PCDHGB6: variants seen among roughly 807,000 people sequenced by gnomAD.
PCDHGB6 encodes protocadherin gamma subfamily B, 6, also known as protocadherin gamma-B6.
Under a neutral mutation model 59.1 loss-of-function variants are expected in PCDHGB6, and 51 were observed. That is an observed-to-expected ratio of 0.86 (90% CI 0.69 to 1.09). The LOEUF (loss-of-function observed/expected upper bound fraction) is 1.09, where lower values mean the gene tolerates loss of function less well. Ranked by LOEUF, PCDHGB6 falls within the 50% of genes least tolerant of loss-of-function variation. PCDHGB6 has a pLI of 0.00. For missense variants in PCDHGB6, 1,148 were observed against 1,205.1 expected (o/e 0.95, Z 0.70); for synonymous variants, 466 against 495.1 (o/e 0.94, Z 0.78).
rs781550738 is a variant in PCDHGB6 at position 141,487,383 on chromosome 5, C to A, written c.2419-7424C>A. On this transcript the variant is annotated intron_variant, in intron 1 of 3. Transcript: ENST00000520790. This position sits in a 1 kb window ranked among gnomAD's most constrained non-coding sequence, Gnocchi z 5.0. Reference sequence around the variant, plus strand: ...GGCACCTGTGCCTGTCTCACCAGATCTCGAAGGAGGGAGGGGCTTCCCCCT... The same window carrying A: ...GGCACCTGTGCCTGTCTCACCAGATATCGAAGGAGGGAGGGGCTTCCCCCT... The A allele has an allele frequency of 3.7e-6, 6 of 1,614,196 alleles. No individual in the cohort carries two copies. The South Asian group carries it at 6.6e-5, about 18-fold the overall frequency.
chr5:141,415,078 GC>G (rs2095826068), intron 1 of PCDHGB6: 1 of 1,613,376 alleles, frequency 6.2e-7, no homozygotes, highest in Non-Finnish European at 8.5e-7. Flanking sequence ...CACGGCGCGA[GC>G]CCTGCTGGAC....
chr5:141,409,541 G>C lies in PCDHGB6; in HGVS notation c.1339G>C (p.Asp447His), dbSNP rs1485327824. ...CACCTTGTATGTCGCTGACATCAAC[G>C]ACAACGCCCCAGTTTTCGACCAGAC... ...SITLYVADIN[D>H]NAPVFDQTSY... Residue 447 changes from aspartate (D) to histidine (H), a missense_variant, in exon 1 of 4, where the codon GAC (aspartate) becomes CAC (histidine). Physicochemically the swap from Asp to His is moderately conservative, Grantham distance 81. Around this residue, in one of 5 missense-constraint regions of PCDHGB6, gnomAD observed 549 missense variants for 527.5 expected, o/e 1.04. Coordinates refer to ENST00000520790, the MANE Select transcript of PCDHGB6 (RefSeq NM_018926.3). 16 of 1,613,852 alleles carry C rather than the reference G, an allele frequency of 9.9e-6. No homozygotes were observed. Among genetic ancestry groups the C allele is most frequent in the Admixed American group, 1.7e-5 (1 of 60,016 alleles).
At chr5:141,436,300 G>A (rs966232889) in intron 1 of PCDHGB6, among the ~76,000 whole-genome samples, 1 of 152,180 alleles carries the variant, frequency 6.6e-6, no homozygotes, top group African/African-American at 2.4e-5. Flanking sequence ...TTGAGAGTTA[G>A]AGCATGAATA....
At chr5:141,483,323 G>A (rs2099579999) in intron 1 of PCDHGB6, among the ~76,000 whole-genome samples, 1 of 152,104 alleles carries the variant, frequency 6.6e-6, no homozygotes, top group Non-Finnish European at 1.5e-5. Flanking sequence ...GGGACTGGAG[G>A]CAAAGAGATC....
At chr5:141,421,875 A>C (rs1345376105) in intron 1 of PCDHGB6, 2 of 1,613,648 alleles carry the variant, frequency 1.2e-6, no homozygotes, top group South Asian at 2.2e-5. Flanking sequence ...TCACAGCTTT[A>C]GATGGAGGCG....
In PCDHGB6 at chr5:141,432,540, T is replaced by C. The variant is rs147884705; in HGVS notation, c.2418+21920T>C. The C allele has an allele frequency of 1.2e-6, 2 of 1,613,726 alleles. No homozygotes were observed. The highest frequency in any genetic ancestry group is 2.2e-5 in the South Asian group (2 of 91,058). On this transcript the variant is annotated intron_variant, in intron 1 of 3. Transcript: ENST00000520790. The surrounding 1 kb of genome is among the most constrained non-coding windows in gnomAD (Gnocchi z 6.0). ...TACCTGGTGACCAAGGTGGTGGCGG[T>C]GGACAGAGACTCCGGCCAGAACGCC...
At chr5:141,472,109 A>G (rs1353132107) in intron 1 of PCDHGB6, among the ~76,000 whole-genome samples, 2 of 152,234 alleles carry the variant, frequency 1.3e-5, no homozygotes, top group Non-Finnish European at 2.9e-5. Flanking sequence ...TTTTATACAT[A>G]AAGAAAATAA....
chr5:141,414,587 G>C (rs775783880), intron 1 of PCDHGB6: 3 of 1,613,828 alleles, frequency 1.9e-6, no homozygotes, highest in Admixed American at 3.3e-5. Context: ...AACAACGCCA[G>C]GGGTGCCTCC....
At chr5:141,460,231 G>A (rs911633731) in intron 1 of PCDHGB6, among the ~76,000 whole-genome samples, 3 of 152,028 alleles carry the variant, frequency 2.0e-5, no homozygotes, top group Non-Finnish European at 4.4e-5. Context: ...CTTTTGAAGA[G>A]CAGAAGATGT....
chr5:141,432,589 G>T lies in PCDHGB6; in HGVS notation c.2418+21969G>T. ...CCTGGCTGTCCTACCGTCTGCTCAA[G>T]GCCAGCGAGCCGGGACTCTTCTCGG... On this transcript the variant is annotated intron_variant, in intron 1 of 3. Transcript: ENST00000520790. The surrounding 1 kb of genome is among the most constrained non-coding windows in gnomAD (Gnocchi z 6.0). 1 of 1,613,916 alleles carries T rather than the reference G, an allele frequency of 6.2e-7. No individual in the cohort carries two copies. Among genetic ancestry groups the T allele is most frequent in the Non-Finnish European group, 8.5e-7 (1 of 1,179,974 alleles).
chr5:141,428,341 C>T, intron 1 of PCDHGB6: 1 of 602,086 alleles, frequency 1.7e-6, no homozygotes, highest in Non-Finnish European at 3.0e-6. Flanking sequence ...GCTCTTCTTC[C>T]TCGCAGTGAT....
chr5:141,415,740 GTTTTTTTTTTT>G lies in PCDHGB6; in HGVS notation c.2418+5142_2418+5152del, dbSNP rs57426385. On this transcript the variant is annotated intron_variant, in intron 1 of 3. Transcript: ENST00000520790. ...TGAGTAGAATTTGATGTTTATTAAGGTTTTTTTTTTTTTTTTTTTTTTTTTTTTTTTTACTT... is the reference window on the plus strand; with the variant it reads ...TGAGTAGAATTTGATGTTTATTAAGGTTTTTTTTTTTTTTTTTTTTTACTT... 695 of 624,702 alleles carry G rather than the reference GTTTTTTTTTTT, an allele frequency of 1.1e-3. 1 individual carries two copies. Among genetic ancestry groups the G allele is most frequent in the East Asian group, 1.8e-3 (27 of 14,732 alleles). 38.7% of individuals were successfully genotyped at this position (624,702 alleles called of 1,614,324 possible).
rs1210691847 is a variant in PCDHGB6, at chr5:141,432,985, C to T, written c.2418+22365C>T. The stretch of plus-strand genomic sequence containing the variant: ...GAGCGCCGGCGTCGCACTTTGTGGG[C>T]GTGGACGGGGTGCAGGCTTTCCTGC... On this transcript the variant is annotated intron_variant, in intron 1 of 3. Transcript: ENST00000520790. The surrounding 1 kb of genome is among the most constrained non-coding windows in gnomAD (Gnocchi z 6.0). The T allele has an allele frequency of 3.1e-6, 5 of 1,614,176 alleles. No individual in the cohort carries two copies. The highest frequency in any genetic ancestry group is 4.2e-6 in the Non-Finnish European group (5 of 1,180,034).
intron 1 of PCDHGB6, chr5:141,441,743 C>T (rs1298220876): frequency 1.4e-5 from 5 of 367,166 alleles, no homozygotes; most frequent in Non-Finnish European, 2.2e-5. Context: ...AGCTCGCGCT[C>T]GGCGTCAACG....
intron 1 of PCDHGB6, chr5:141,411,909 A>T (rs1176626028): frequency 6.6e-6 from 1 of 152,204 alleles, no homozygotes; most frequent in Non-Finnish European, 1.5e-5. Flanking sequence ...TTGCCTTTGC[A>T]CTCAGTCTCT....
In PCDHGB6 at chr5:141,491,729, C is replaced by T. The variant is rs766649819; in HGVS notation, c.2419-3078C>T. On this transcript the variant is annotated intron_variant, in intron 1 of 3. Coordinates refer to ENST00000520790, the MANE Select transcript of PCDHGB6 (RefSeq NM_018926.3). This position sits in a 1 kb window ranked among gnomAD's most constrained non-coding sequence, Gnocchi z 6.9. ...AGGGGCTCGGCGCCGCCCCGGGCGA[C>T]CCCTGGGGGCGGCACTGGAGAAGCC... 6.1e-5 allele frequency: 98 copies of T among 1,603,832 alleles called. No homozygotes were observed. Among genetic ancestry groups the T allele is most frequent in the Non-Finnish European group, 7.9e-5 (93 of 1,175,848 alleles).
chr5:141,421,207 A>G (rs1318794693), intron 1 of PCDHGB6: 3 of 1,533,934 alleles, frequency 2.0e-6, no homozygotes, highest in Non-Finnish European at 2.6e-6. Context: ...GAAACCGCGG[A>G]ATATCGGCTT....
At chr5:141,430,680 C>T (rs990086941) in intron 1 of PCDHGB6, 1 of 1,343,242 alleles carries the variant, frequency 7.4e-7, no homozygotes, top group Non-Finnish European at 1.0e-6. Flanking sequence ...TCCCAACTGT[C>T]CCATTCTATG....
At position 141,505,390 on chromosome 5, in the gene PCDHGB6, C is replaced by T; in HGVS notation, c.2478-3C>T. On this transcript the variant is annotated splice_polypyrimidine_tract_variant and splice_region_variant and intron_variant, in intron 2 of 3. Coordinates refer to ENST00000520790, the MANE Select transcript of PCDHGB6 (RefSeq NM_018926.3). ...TGTGCTCACCATCCTACTCTCTCCCCAGCTCCCAAAATGGCGATGACACCG... is the reference window on the plus strand; with the variant it reads ...TGTGCTCACCATCCTACTCTCTCCCTAGCTCCCAAAATGGCGATGACACCG... The T allele has an allele frequency of 6.2e-7, 1 of 1,614,130 alleles. No individual in the cohort carries two copies.
Sources: gnomAD v4.1 joint callset for allele counts (sites outside exome capture counted in the v4.1 genomes callset) on GRCh38, gnomAD v4.1.1 for gene constraint, gnomAD v4.1.1 regional missense constraint, Gnocchi (gnomAD v3.1) non-coding constraint, MANE v1.5 for transcripts, NCBI Gene and HGNC (gene_info 2026-07-23, HGNC 2026-07-21) for gene names.